The following IL1RAPL2 variants were observed in gnomAD, a reference collection of about 807,000 sequenced individuals.
IL1RAPL2 encodes the protein interleukin 1 receptor accessory protein like 2.
IL1RAPL2 carries 3 observed loss-of-function variants against 44.1 expected under a neutral mutation model. The observed-to-expected ratio is 0.07, with a 90% CI of 0.03 to 0.18. The LOEUF (loss-of-function observed/expected upper bound fraction) is 0.18, where lower values mean the gene tolerates loss of function less well. IL1RAPL2 is among the 10% of genes least tolerant of loss of function. The pLI, the probability that IL1RAPL2 is intolerant of heterozygous loss-of-function variation, is 1.00. For missense variants in IL1RAPL2, 391 were observed against 496.4 expected, an observed-to-expected ratio of 0.79 and a Z score of 2.02; for synonymous variants, 181 against 178.8, an observed-to-expected ratio of 1.01 and a Z score of -0.10.
chrX:105,068,806 T>A (rs1264175864), intron 2 of IL1RAPL2, among the ~76,000 whole-genome samples: 1 of 112,290 alleles, frequency 8.9e-6, no homozygotes, highest in Non-Finnish European at 1.9e-5. Flanking sequence ...TTTGGGATGC[T>A]GCAAAACACG....
chrX:104,714,921 G>T (rs750072945), intron 2 of IL1RAPL2, among the ~76,000 whole-genome samples: 16 of 111,431 alleles, frequency 1.4e-4, no homozygotes, highest in Non-Finnish European at 2.1e-4. Context: ...TATTCATCAA[G>T]AATGTTGGCC....
chrX:104,889,938 A>G (rs1207663710), intron 2 of IL1RAPL2, among the ~76,000 whole-genome samples: 1 of 110,622 alleles, frequency 9.0e-6, no homozygotes, highest in Non-Finnish European at 1.9e-5. Context: ...TCCTAATGCT[A>G]TCCCTCCCCC....
chrX:105,124,081 TCCTG>T (rs1296350547), intron 2 of IL1RAPL2, among the ~76,000 whole-genome samples: 1 of 111,211 alleles, frequency 9.0e-6, no homozygotes, highest in Non-Finnish European at 1.9e-5. Context: ...AACCTTGACT[TCCTG>T]TCATTTGTAA....
intron 1 of IL1RAPL2, among the ~76,000 whole-genome samples, chrX:104,638,212 T>C (rs778499127): frequency 9.0e-6 from 1 of 111,691 alleles, no homozygotes; most frequent in East Asian, 2.8e-4. Flanking sequence ...TTGAAATGTT[T>C]TTTTTTCATT....
chrX:104,660,239 G>A (rs867150538), intron 2 of IL1RAPL2, among the ~76,000 whole-genome samples: 2 of 110,614 alleles, frequency 1.8e-5, no homozygotes, highest in Non-Finnish European at 1.9e-5. Flanking sequence ...CTTTACCTTT[G>A]AAGTCCCATT....
At chrX:105,258,934 C>A (rs1281232487) in intron 4 of IL1RAPL2, among the ~76,000 whole-genome samples, 2 of 111,696 alleles carry the variant, frequency 1.8e-5, no homozygotes, top group Non-Finnish European at 3.8e-5. Context: ...GTCATTCCTG[C>A]CAGTTCAGCC....
chrX:105,338,194 A>C (rs935001501), intron 5 of IL1RAPL2, among the ~76,000 whole-genome samples: 1 of 111,701 alleles, frequency 9.0e-6, no homozygotes, highest in Non-Finnish European at 1.9e-5. Flanking sequence ...TGATGTTTTC[A>C]TTACCTACAT....
chrX:105,603,362 C>G, intron 6 of IL1RAPL2, among the ~76,000 whole-genome samples: 1 of 109,636 alleles, frequency 9.1e-6, no homozygotes, highest in African/African-American at 3.3e-5. Context: ...AAAATGGAAA[C>G]CAAAAATGAG....
At chrX:105,499,134 G>C (rs1021136124) in intron 6 of IL1RAPL2, among the ~76,000 whole-genome samples, 7 of 111,194 alleles carry the variant, frequency 6.3e-5, no homozygotes, top group African/African-American at 2.3e-4. Flanking sequence ...CTGGTTCCTG[G>C]TTCCAAAAAT....
chrX:105,142,679 C>A (rs2033136435), intron 2 of IL1RAPL2, among the ~76,000 whole-genome samples: 1 of 108,346 alleles, frequency 9.2e-6, no homozygotes, highest in Non-Finnish European at 1.9e-5. Flanking sequence ...ACGTAACATG[C>A]AGGTTTGTTA....
intron 3 of IL1RAPL2, among the ~76,000 whole-genome samples, chrX:105,225,694 A>ATTTT: frequency 9.4e-6 from 1 of 106,265 alleles, no homozygotes; most frequent in Non-Finnish European, 1.9e-5. Context: ...ATTTTATTTT[A>ATTTT]TTTTTTTTTC....
chrX:104,592,490 T>C (rs1928688460), intron 1 of IL1RAPL2, among the ~76,000 whole-genome samples: 2 of 110,942 alleles, frequency 1.8e-5, no homozygotes, highest in Non-Finnish European at 3.8e-5. Flanking sequence ...TGTATAGTGA[T>C]AATACAACAT....
chrX:105,030,458 A>G (rs183430230), intron 2 of IL1RAPL2, among the ~76,000 whole-genome samples: 2 of 112,056 alleles, frequency 1.8e-5, no homozygotes, highest in East Asian at 5.6e-4. Context: ...TCAGCTTTCT[A>G]TATATGGCTA....
At chrX:104,924,060 A>G (rs1346513275) in intron 2 of IL1RAPL2, among the ~76,000 whole-genome samples, 2 of 109,383 alleles carry the variant, frequency 1.8e-5, no homozygotes, top group Non-Finnish European at 3.8e-5. Context: ...AAAAAAAGAC[A>G]AAGAAGGGCA....
intron 5 of IL1RAPL2, among the ~76,000 whole-genome samples, chrX:105,412,349 T>A (rs1043926912): frequency 2.9e-5 from 3 of 103,947 alleles, no homozygotes; most frequent in Non-Finnish European, 5.9e-5. Context: ...TACAATGGAA[T>A]ACTATTCAGC....
chrX:104,611,965 G>A (rs1215733514), intron 1 of IL1RAPL2, among the ~76,000 whole-genome samples: 2 of 110,315 alleles, frequency 1.8e-5, no homozygotes, highest in Non-Finnish European at 3.8e-5. Context: ...ATTTTAAAAT[G>A]TTTCTTGGCC....
At chrX:104,921,186 CAA>C (rs1465796636) in intron 2 of IL1RAPL2, among the ~76,000 whole-genome samples, 1 of 111,546 alleles carries the variant, frequency 9.0e-6, no homozygotes, top group Non-Finnish European at 1.9e-5. Flanking sequence ...TAGTAGAGCC[CAA>C]AAGTCTTCAG....
chrX:104,904,931 T>C (rs1421266665), intron 2 of IL1RAPL2, among the ~76,000 whole-genome samples: 11 of 111,270 alleles, frequency 9.9e-5, no homozygotes, highest in African/African-American at 3.6e-4. Flanking sequence ...AGTGTAAAAG[T>C]GTTCCTATTT....
intron 2 of IL1RAPL2, among the ~76,000 whole-genome samples, chrX:105,073,808 T>A (rs1398581625): frequency 8.9e-6 from 1 of 112,333 alleles, no homozygotes; most frequent in Non-Finnish European, 1.9e-5. Context: ...GAGCATTTTT[T>A]CATGTGTTTT....
Sources: allele counts gnomAD v4.1 joint callset (sites outside exome capture counted in the v4.1 genomes callset), GRCh38; gene constraint gnomAD v4.1.1; transcripts MANE v1.5; gene names NCBI Gene and HGNC (gene_info 2026-07-23, HGNC 2026-07-21).